Variants in GOLPH3 observed in about 807,000 individuals in gnomAD.
The protein encoded by GOLPH3 is golgi phosphoprotein 3, also known as coat protein GPP34.
In GOLPH3, 14 loss-of-function variants were observed where a neutral mutation model predicts 28.5. That is an observed-to-expected ratio of 0.49 (90% CI 0.32 to 0.77). GOLPH3 has a LOEUF of 0.77. Ranked by LOEUF, GOLPH3 falls within the 30% of genes least tolerant of loss-of-function variation. The pLI is 0.03. For synonymous variants in GOLPH3, 158 were observed against 159.2 expected (o/e 0.99, Z 0.06); for missense variants, 350 against 393.7 (o/e 0.89, Z 0.94).
chr5:32,144,598 C>G (rs900686979), intron 1 of GOLPH3, among the ~76,000 whole-genome samples: 3 of 152,212 alleles, frequency 2.0e-5, no homozygotes, highest in Non-Finnish European at 4.4e-5. Flanking sequence ...CTTAAATACA[C>G]ACACTGTTAA....
chr5:32,137,744 C>T (rs897717824), intron 2 of GOLPH3, among the ~76,000 whole-genome samples: 6 of 152,172 alleles, frequency 3.9e-5, no homozygotes, highest in Admixed American at 2.0e-4. Context: ...AATGTTACAC[C>T]GCTGTAGACA....
At chr5:32,157,424 T>C (rs775699043) in intron 1 of GOLPH3, among the ~76,000 whole-genome samples, 25 of 152,282 alleles carry the variant, frequency 1.6e-4, no homozygotes, top group Non-Finnish European at 3.2e-4. Flanking sequence ...AACAACCTTC[T>C]GAACTAAGTG....
chr5:32,129,894 T>C (rs1005047055), intron 3 of GOLPH3, among the ~76,000 whole-genome samples: 2 of 151,028 alleles, frequency 1.3e-5, no homozygotes, highest in Non-Finnish European at 2.9e-5. Flanking sequence ...CAGGCTGGAG[T>C]GCGGTGGTGT....
At chr5:32,172,155 G>A (rs1746850511) in intron 1 of GOLPH3, among the ~76,000 whole-genome samples, 1 of 152,080 alleles carries the variant, frequency 6.6e-6, no homozygotes, top group African/African-American at 2.4e-5. Flanking sequence ...CACAGCCAGA[G>A]GAACATCAAC....
At chr5:32,148,912 T>C (rs1170697176) in intron 1 of GOLPH3, among the ~76,000 whole-genome samples, 1 of 151,874 alleles carries the variant, frequency 6.6e-6, no homozygotes, top group East Asian at 1.9e-4. Flanking sequence ...GAGGCAGAGG[T>C]TGCAGTAAGC....
At chr5:32,171,692 A>C (rs1041876895) in intron 1 of GOLPH3, among the ~76,000 whole-genome samples, 2 of 152,148 alleles carry the variant, frequency 1.3e-5, no homozygotes, top group Non-Finnish European at 1.5e-5. Flanking sequence ...TCAAACCTGT[A>C]ATCTCAGCAC....
At chr5:32,131,332 G>T (rs191873548) in intron 3 of GOLPH3, among the ~76,000 whole-genome samples, 1 of 152,236 alleles carries the variant, frequency 6.6e-6, no homozygotes, top group African/African-American at 2.4e-5. Context: ...TTTTATTTTC[G>T]AAGAACTAAG....
intron 1 of GOLPH3, among the ~76,000 whole-genome samples, chr5:32,165,080 A>G (rs1746680919): frequency 6.6e-6 from 1 of 151,498 alleles, no homozygotes; most frequent in African/African-American, 2.4e-5. Context: ...TTGTATTTTT[A>G]GTAGAGATGG....
intron 2 of GOLPH3, among the ~76,000 whole-genome samples, chr5:32,142,926 G>A (rs1465594865): frequency 3.9e-5 from 6 of 152,122 alleles, no homozygotes; most frequent in South Asian, 2.1e-4. Flanking sequence ...CCCTCTGCCC[G>A]GCCACCACCC....
At chr5:32,150,717 C>T (rs1297171909) in intron 1 of GOLPH3, among the ~76,000 whole-genome samples, 5 of 151,866 alleles carry the variant, frequency 3.3e-5, no homozygotes, top group Admixed American at 2.6e-4. Context: ...TACCCAAATC[C>T]GAAAATCTGA....
chr5:32,163,097 G>A (rs949853164), intron 1 of GOLPH3, among the ~76,000 whole-genome samples: 12 of 152,072 alleles, frequency 7.9e-5, no homozygotes, highest in African/African-American at 2.9e-4. Context: ...AAATAAAAAA[G>A]TAGGCCCATT....
intron 1 of GOLPH3, among the ~76,000 whole-genome samples, chr5:32,146,983 C>G (rs1318514695): frequency 6.6e-6 from 1 of 151,910 alleles, no homozygotes; most frequent in Non-Finnish European, 1.5e-5. Context: ...AAGCCGTAGG[C>G]CACCTGCGGC....
Position 32,174,229 on chromosome 5 carries a change from G to C in GOLPH3, c.-195C>G, listed in dbSNP as rs1318458613. On this transcript the variant is annotated 5_prime_UTR_variant, in exon 1 of 4. Transcript: ENST00000265070. ...AAGCGGGCTGGCCGGGCGTCGGCGG[G>C]GCAGGAGAGGAGCGCCTTCCTGCCT... 3 of 375,490 alleles carry C rather than the reference G, an allele frequency of 8.0e-6. No homozygotes were observed. The highest frequency in any genetic ancestry group is 4.2e-5 in the African/African-American group (2 of 47,590). 23.3% of individuals were successfully genotyped at this position (375,490 alleles called of 1,614,324 possible). A position where few individuals can be genotyped will look rare whatever the true frequency, so the allele number is the denominator to read the frequency against.
At chr5:32,143,702 A>G (rs1190564694) in intron 2 of GOLPH3, 47 bp downstream of exon 2, 1 of 1,502,664 alleles carries the variant, frequency 6.7e-7, no homozygotes, top group Non-Finnish European at 8.9e-7. Flanking sequence ...ATACATTTTA[A>G]GCAGTACAAC....
chr5:32,147,574 C>T (rs1746207006), intron 1 of GOLPH3, among the ~76,000 whole-genome samples: 1 of 151,974 alleles, frequency 6.6e-6, no homozygotes, highest in African/African-American at 2.4e-5. Flanking sequence ...GTTTTAGCAG[C>T]AGTAATGTCT....
chr5:32,140,197 AAAT>A (rs1172295403), intron 2 of GOLPH3, among the ~76,000 whole-genome samples: 3 of 152,120 alleles, frequency 2.0e-5, no homozygotes, highest in African/African-American at 7.2e-5. Context: ...GAAAAAAAAA[AAAT>A]AAGATTGAAA....
intron 1 of GOLPH3, among the ~76,000 whole-genome samples, chr5:32,168,562 G>A (rs1746763601): frequency 6.6e-6 from 1 of 152,194 alleles, no homozygotes; most frequent in African/African-American, 2.4e-5. Context: ...CTGGAAGGCT[G>A]TTGAAACTCA....
chr5:32,138,185 A>G (rs1169847362), intron 2 of GOLPH3, among the ~76,000 whole-genome samples: 1 of 152,166 alleles, frequency 6.6e-6, no homozygotes, highest in Non-Finnish European at 1.5e-5. Context: ...TGCAAGCATG[A>G]GCCATCGTGC....
At chr5:32,153,273 C>T (rs900679219) in intron 1 of GOLPH3, among the ~76,000 whole-genome samples, 14 of 151,994 alleles carry the variant, frequency 9.2e-5, no homozygotes, top group South Asian at 6.2e-4. Flanking sequence ...TATGAATATA[C>T]GTATAGTTTT....
Sources: gnomAD v4.1 joint callset for allele counts (sites outside exome capture counted in the v4.1 genomes callset) on GRCh38, gnomAD v4.1.1 for gene constraint, MANE v1.5 for transcripts, NCBI Gene and HGNC (gene_info 2026-07-23, HGNC 2026-07-21) for gene names.